The following KIF26B variants were observed in gnomAD, a reference collection of about 807,000 sequenced individuals.
KIF26B encodes the protein kinesin family member 26B, also known as kinesin-like protein KIF26B.
Under a neutral mutation model 151.2 loss-of-function variants are expected in KIF26B, and 63 were observed. The ratio of observed to expected loss-of-function variants is 0.42; its 90% CI spans 0.34 to 0.51. The LOEUF (loss-of-function observed/expected upper bound fraction) is 0.51. Ranked by LOEUF, KIF26B falls within the 20% of genes least tolerant of loss-of-function variation. The pLI is 0.07. For missense variants in KIF26B, 2,813 were observed against 2,913.6 expected (o/e 0.97, Z 0.79); for synonymous variants, 1,357 against 1,262.1 (o/e 1.08, Z -1.59).
intron 4 of KIF26B, among the ~76,000 whole-genome samples, chr1:245,531,837 C>T (rs1661367931): frequency 1.3e-5 from 2 of 152,296 alleles, no homozygotes; most frequent in African/African-American, 4.8e-5. Flanking sequence ...TGGCTCACAC[C>T]TGTTATTCCT....
In KIF26B at chr1:245,572,434, G is replaced by C. The variant is rs1360526740; in HGVS notation, c.1351-30143G>C. Among the ~76,000 whole-genome samples the C allele has an allele frequency of 6.6e-6, 1 of 152,090 alleles. No homozygotes were observed. On this transcript the variant is annotated intron_variant, in intron 5 of 14. Coordinates refer to ENST00000407071, the MANE Select transcript of KIF26B (RefSeq NM_018012.4). This position sits in a 1 kb window ranked among gnomAD's most constrained non-coding sequence, Gnocchi z 4.2. ...GTTTGAGGGTGTGGCCCCGGGAAAG[G>C]TGGCAGGACACACTTCTCTTGTTCT...
At chr1:245,656,737 T>A (rs1349792080) in intron 10 of KIF26B, among the ~76,000 whole-genome samples, 1 of 152,186 alleles carries the variant, frequency 6.6e-6, no homozygotes, top group African/African-American at 2.4e-5. Flanking sequence ...TCAGTCAGAG[T>A]GTCCAACCAT....
At position 245,495,257 on chromosome 1, in the gene KIF26B, T is replaced by G. The variant is rs1486115119; in HGVS notation, c.1167-45510T>G. On this transcript the variant is annotated intron_variant, in intron 4 of 14. Transcript: ENST00000407071. This position sits in a 1 kb window ranked among gnomAD's most constrained non-coding sequence, Gnocchi z 4.2. ...TACAGAAAAGAGCAGAAGAGACATATGGAACACATGTAACATATAATTGAA... is the reference window on the plus strand; with the variant it reads ...TACAGAAAAGAGCAGAAGAGACATAGGGAACACATGTAACATATAATTGAA... 1.3e-5 allele frequency among the ~76,000 whole-genome samples: 2 copies of G among 151,986 alleles called. No individual in the cohort carries two copies. The highest frequency in any genetic ancestry group is 1.3e-4 in the Admixed American group (2 of 15,262).
At chr1:245,653,407 A>C (rs2044040339) in intron 10 of KIF26B, among the ~76,000 whole-genome samples, 1 of 152,132 alleles carries the variant, frequency 6.6e-6, no homozygotes, top group South Asian at 2.1e-4. Flanking sequence ...ACGGTGCATA[A>C]ATGAGCCCCC....
chr1:245,685,763 CCGAGCTGCAGGAGAGGCTGGACTGCAT>C lies in KIF26B; in HGVS notation c.2784_2810del (p.Glu928_Ile936del). 1 of 1,612,280 alleles carries C rather than the reference CCGAGCTGCAGGAGAGGCTGGACTGCAT, an allele frequency of 6.2e-7. No individual in the cohort carries two copies. The highest frequency in any genetic ancestry group is 8.5e-7 in the Non-Finnish European group (1 of 1,179,384). On this transcript the variant is annotated inframe_deletion, in exon 12 of 15. Transcript: ENST00000407071. ...GACTGCCTGAAGTGCAACACGTTTGCCGAGCTGCAGGAGAGGCTGGACTGCATCGACGGCAGCGAGGAGCCCAGCAGC... is the reference window on the plus strand; with the variant it reads ...GACTGCCTGAAGTGCAACACGTTTGCCGACGGCAGCGAGGAGCCCAGCAGC...
chr1:245,375,190 G>A lies in KIF26B; in HGVS notation c.999+7823G>A, dbSNP rs543253649. On this transcript the variant is annotated intron_variant, in intron 3 of 14. Coordinates refer to ENST00000407071, the MANE Select transcript of KIF26B (RefSeq NM_018012.4). This position sits in a 1 kb window ranked among gnomAD's most constrained non-coding sequence, Gnocchi z 4.2. ...CAACCTCCACCTCCCAGGTTCAAGC[G>A]ATTCTCCTGCCTCAACCTCGGGATT... Among the ~76,000 whole-genome samples, 7 of 152,210 alleles carry A rather than the reference G, an allele frequency of 4.6e-5. No individual in the cohort carries two copies. Among genetic ancestry groups the A allele is most frequent in the East Asian group, 1.9e-4 (1 of 5,168 alleles).
intron 2 of KIF26B, among the ~76,000 whole-genome samples, chr1:245,183,316 T>A (rs1668939307): frequency 6.6e-6 from 1 of 152,192 alleles, no homozygotes. Context: ...TTTGATGAGA[T>A]CCAGTTGATC....
intron 4 of KIF26B, among the ~76,000 whole-genome samples, chr1:245,496,411 A>G (rs1382377759): frequency 6.6e-6 from 1 of 152,230 alleles, no homozygotes; most frequent in Non-Finnish European, 1.5e-5. Flanking sequence ...CATTAAATGC[A>G]TGACAAAAAC....
chr1:245,688,122 C>G lies in KIF26B; in HGVS notation c.5139C>G (p.Ser1713Arg), dbSNP rs552625681. 2 of 1,574,340 alleles carry G rather than the reference C, an allele frequency of 1.3e-6. No individual in the cohort carries two copies. The highest frequency in any genetic ancestry group is 2.7e-5 in the African/African-American group (2 of 74,340). ...GCGCGGGGAGGAGCCTGGGCCGCAG[C>G]GCCGGGACCTCGCCCCCCAGCTCCG... Reference protein sequence around the residue: ...MPRAGRSLGRSAGTSPPSSGA... With the variant: ...MPRAGRSLGRRAGTSPPSSGA... Residue 1713 changes from serine to arginine, a missense_variant, in exon 12 of 15, where the codon AGC becomes AGG. Physicochemically the swap from Ser to Arg is moderately radical, Grantham distance 110. This residue lies in a region of KIF26B where 2,060 missense variants were observed against 2,088.6 expected (regional missense o/e 0.99). Transcript: ENST00000407071.
intron 2 of KIF26B, among the ~76,000 whole-genome samples, chr1:245,301,236 G>A (rs958675220): frequency 9.9e-5 from 15 of 152,216 alleles, no homozygotes; most frequent in African/African-American, 3.6e-4. Context: ...CCGCATGCAG[G>A]AGTGGAGGCC....
At chr1:245,628,179 A>C (rs1454128879) in intron 9 of KIF26B, among the ~76,000 whole-genome samples, 1 of 152,212 alleles carries the variant, frequency 6.6e-6, no homozygotes, top group African/African-American at 2.4e-5. Flanking sequence ...ACACAACAAG[A>C]AAAAGGAAAC....
In KIF26B at chr1:245,540,182, T is replaced by C. The variant is rs186851578; in HGVS notation, c.1167-585T>C. Among the ~76,000 whole-genome samples the C allele has an allele frequency of 6.6e-6, 1 of 152,298 alleles. No individual in the cohort carries two copies. Among genetic ancestry groups the C allele is most frequent in the African/African-American group, 2.4e-5 (1 of 41,570 alleles). On this transcript the variant is annotated intron_variant, in intron 4 of 14. Transcript: ENST00000407071. The surrounding 1 kb of genome is among the most constrained non-coding windows in gnomAD (Gnocchi z 4.6). ...TCCTCTTATCTACGTAAGCAGCCCA[T>C]AGCCTCAGCGCCCTGCACCCTGGTT... is the stretch of plus-strand genomic sequence containing the variant.
intron 5 of KIF26B, among the ~76,000 whole-genome samples, chr1:245,565,597 C>G (rs182177745): frequency 3.3e-5 from 5 of 152,042 alleles, no homozygotes; most frequent in African/African-American, 1.2e-4. Context: ...GCCTCTGATG[C>G]GTTCTTGCCG....
Position 245,214,710 on chromosome 1 carries a change from C to G in KIF26B, c.465+58027C>G, listed in dbSNP as rs61832171. On this transcript the variant is annotated intron_variant, in intron 2 of 14. Transcript: ENST00000407071. ...AAAAAATTAGCTGGGCTTGGTGGTG[C>G]GCACCTGTAATCCCAACTAGTTGGG... is the stretch of plus-strand genomic sequence containing the variant. Among the ~76,000 whole-genome samples, 160 of 151,940 alleles carry G rather than the reference C, an allele frequency of 1.1e-3. 3 individuals are homozygous for G. The Middle Eastern group carries it at 0.017, about 16-fold the overall frequency.
Position 245,563,721 on chromosome 1 carries a change from C to T in KIF26B, c.1350+22771C>T, listed in dbSNP as rs530864741. Among the ~76,000 whole-genome samples, 38 of 146,430 alleles carry T rather than the reference C, an allele frequency of 2.6e-4. No homozygotes were observed. Among genetic ancestry groups the T allele is most frequent in the African/African-American group, 9.1e-4 (36 of 39,658 alleles). On this transcript the variant is annotated intron_variant, in intron 5 of 14. Transcript: ENST00000407071. This position sits in a 1 kb window ranked among gnomAD's most constrained non-coding sequence, Gnocchi z 4.6. ...AGATTATAATACTGTGTTTTTACTACACCTTTTCTATGTTTAGGTATGTTG... is the reference window on the plus strand; with the variant it reads ...AGATTATAATACTGTGTTTTTACTATACCTTTTCTATGTTTAGGTATGTTG...
At chr1:245,669,478 C>T (rs1252053721) in intron 10 of KIF26B, among the ~76,000 whole-genome samples, 2 of 152,140 alleles carry the variant, frequency 1.3e-5, no homozygotes, top group Non-Finnish European at 2.9e-5. Flanking sequence ...TCCTGTAAGT[C>T]AACAACCATC....
At chr1:245,204,164 C>T (rs1191119019) in intron 2 of KIF26B, among the ~76,000 whole-genome samples, 1 of 152,094 alleles carries the variant, frequency 6.6e-6, no homozygotes, top group African/African-American at 2.4e-5. Flanking sequence ...TGGCTAGGGA[C>T]ATGGAGAGGA....
At chr1:245,641,929 G>A (rs2043896263) in intron 9 of KIF26B, among the ~76,000 whole-genome samples, 1 of 152,124 alleles carries the variant, frequency 6.6e-6, no homozygotes, top group African/African-American at 2.4e-5. Flanking sequence ...TCCTAGTCTG[G>A]CTTTGTTTGT....
chr1:245,430,645 C>T (rs943262392), intron 4 of KIF26B, among the ~76,000 whole-genome samples: 4 of 151,548 alleles, frequency 2.6e-5, no homozygotes, highest in African/African-American at 7.3e-5. Context: ...CCAGCCTAGG[C>T]GACAAGAGTG....
Sources: allele counts gnomAD v4.1 joint callset (sites outside exome capture counted in the v4.1 genomes callset), GRCh38; gene constraint gnomAD v4.1.1; regional missense constraint gnomAD v4.1.1; non-coding constraint Gnocchi (gnomAD v3.1); transcripts MANE v1.5; gene names NCBI Gene and HGNC (gene_info 2026-07-23, HGNC 2026-07-21).